GIGYF2: variants seen among roughly 807,000 people sequenced by gnomAD.
The protein encoded by GIGYF2 is GRB10 interacting GYF protein 2.
GIGYF2 carries 25 observed loss-of-function variants against 208.1 expected under a neutral mutation model. The ratio of observed to expected loss-of-function variants is 0.12; its 90% confidence interval spans 0.09 to 0.17. The LOEUF (loss-of-function observed/expected upper bound fraction) is 0.17. Ranked by LOEUF, GIGYF2 falls within the 10% of genes least tolerant of loss-of-function variation. GIGYF2 has a pLI of 1.00. For missense variants in GIGYF2, 1,302 were observed against 1,579.4 expected, an observed-to-expected ratio of 0.82 and a Z score of 2.98; for synonymous variants, 534 against 543.8, an observed-to-expected ratio of 0.98 and a Z score of 0.25.
In GIGYF2 at chr2:232,794,826, C is replaced by A; in HGVS notation, c.1361C>A (p.Pro454His). Residue 454 changes from proline (P) to histidine (H), a missense_variant, in exon 13 of 29, where the codon CCT becomes CAT. Transcript: ENST00000373563. ...TASPLLILPP[P>H]VPNPSPTLRP... The stretch of plus-strand genomic sequence containing the variant: ...TCTCCTCTTCTCATACTTCCACCTC[C>A]TGTTCCCAATCCTAGTCCTACTCTC... The A allele has an allele frequency of 3.1e-6, 5 of 1,613,836 alleles. No individual in the cohort carries two copies. The highest frequency in any genetic ancestry group is 4.2e-6 in the Non-Finnish European group (5 of 1,179,740).
At chr2:232,727,808 A>G (rs1020047925) in intron 2 of GIGYF2, among the ~76,000 whole-genome samples, 1 of 152,134 alleles carries the variant, frequency 6.6e-6, no homozygotes, top group African/African-American at 2.4e-5. Flanking sequence ...CTGTCTTTCT[A>G]TTCTGACTAC....
chr2:232,809,195 G>A (rs1317077999), intron 15 of GIGYF2, among the ~76,000 whole-genome samples: 1 of 152,090 alleles, frequency 6.6e-6, no homozygotes, highest in Non-Finnish European at 1.5e-5. Flanking sequence ...CGCCTGCCTT[G>A]GACTCCCAAA....
chr2:232,810,876 C>T (rs1351542077), intron 16 of GIGYF2: 3 of 249,996 alleles, frequency 1.2e-5, no homozygotes, highest in South Asian at 4.7e-5. Flanking sequence ...GTTAAAGCTA[C>T]TAATTTGAAT....
chr2:232,791,286 A>G lies in GIGYF2; in HGVS notation c.1122A>G (p.Ser374=), dbSNP rs1191527235. Residue 374 remains serine (S), a synonymous_variant, in exon 12 of 29, where the codon TCA becomes TCG. Coordinates refer to ENST00000373563, the MANE Select transcript of GIGYF2 (RefSeq NM_001103146.3). ...VEASEETPQT[S]SSSARPGTPS... is the part of the protein sequence containing the mutation. Reference sequence around the variant, plus strand: ...CTAGTGAGGAAACTCCCCAGACCTCATCATCATCTGCTAGACCAGGTACTC... The same window carrying G: ...CTAGTGAGGAAACTCCCCAGACCTCGTCATCATCTGCTAGACCAGGTACTC... 2 of 1,613,978 alleles carry G rather than the reference A, an allele frequency of 1.2e-6. No homozygotes were observed. Among genetic ancestry groups the G allele is most frequent in the East Asian group, 4.5e-5 (2 of 44,884 alleles).
chr2:232,810,580 G>A (rs1169694961), intron 16 of GIGYF2: 1 of 153,672 alleles, frequency 6.5e-6, no homozygotes, highest in Non-Finnish European at 1.4e-5. Flanking sequence ...GGCTAAATCT[G>A]GCCTGCTCTC....
chr2:232,765,088 A>G (rs73995901), intron 8 of GIGYF2, among the ~76,000 whole-genome samples: 11,510 of 152,218 alleles, frequency 0.076, 494 homozygotes, highest in African/African-American at 0.1. Context: ...ACATACATAC[A>G]TATTCTAATA....
At chr2:232,702,110 A>G (rs925828209) in intron 1 of GIGYF2, among the ~76,000 whole-genome samples, 1 of 152,072 alleles carries the variant, frequency 6.6e-6, no homozygotes, top group Non-Finnish European at 1.5e-5. Flanking sequence ...TTGTACCACT[A>G]CACTCCAGCT....
At chr2:232,699,771 A>G (rs1180928695) in intron 1 of GIGYF2, among the ~76,000 whole-genome samples, 2 of 152,136 alleles carry the variant, frequency 1.3e-5, no homozygotes, top group African/African-American at 4.8e-5. Context: ...TATTAACTCA[A>G]ATTATCCTTA....
At chr2:232,803,184 C>T (rs896490468) in intron 14 of GIGYF2, among the ~76,000 whole-genome samples, 2 of 152,218 alleles carry the variant, frequency 1.3e-5, no homozygotes, top group African/African-American at 4.8e-5. Context: ...AGCCACTGTG[C>T]CCGGCCTGTT....
At chr2:232,697,589 A>C (rs1695653206) in intron 1 of GIGYF2, among the ~76,000 whole-genome samples, 197 bp downstream of exon 1, 1 of 152,312 alleles carries the variant, frequency 6.6e-6, no homozygotes, top group Middle Eastern at 3.4e-3. Flanking sequence ...GGTCAGGTGC[A>C]GGGCCGGAGG....
At chr2:232,798,601 C>T (rs1375355694) in intron 14 of GIGYF2, among the ~76,000 whole-genome samples, 2 of 152,100 alleles carry the variant, frequency 1.3e-5, no homozygotes, top group African/African-American at 4.8e-5. Context: ...CTGTTTTAAC[C>T]ATTCTGAGAG....
intron 8 of GIGYF2, chr2:232,776,831 A>T (rs1699534941): frequency 5.4e-6 from 1 of 184,220 alleles, no homozygotes; most frequent in African/African-American, 2.3e-5. Context: ...CTTACTTAAG[A>T]GTTTTTTTGA....
intron 8 of GIGYF2, chr2:232,761,640 T>A (rs1698743738): frequency 2.4e-6 from 1 of 423,840 alleles, no homozygotes; most frequent in Non-Finnish European, 4.3e-6. Flanking sequence ...GCAAGGCATA[T>A]ATTCTTTATT....
At chr2:232,719,756 A>G (rs994186150) in intron 2 of GIGYF2, among the ~76,000 whole-genome samples, 1 of 152,242 alleles carries the variant, frequency 6.6e-6, no homozygotes, top group Non-Finnish European at 1.5e-5. Context: ...TAGCTTATAT[A>G]ATATTCACTG....
chr2:232,828,015 G>T (rs1027891058), intron 21 of GIGYF2, among the ~76,000 whole-genome samples: 3 of 151,704 alleles, frequency 2.0e-5, no homozygotes, highest in Non-Finnish European at 2.9e-5. Context: ...TTGAGACAGG[G>T]TCTCACTCTG....
intron 25 of GIGYF2, among the ~76,000 whole-genome samples, chr2:232,845,174 A>G (rs762700956): frequency 5.3e-5 from 8 of 152,256 alleles, no homozygotes; most frequent in Admixed American, 1.3e-4. Flanking sequence ...GAAGATAATA[A>G]TAACAACTTT....
At chr2:232,720,271 A>T (rs1696874518) in intron 2 of GIGYF2, among the ~76,000 whole-genome samples, 1 of 152,194 alleles carries the variant, frequency 6.6e-6, no homozygotes. Context: ...AAAGGACATG[A>T]ACTCATCCTT....
intron 28 of GIGYF2, among the ~76,000 whole-genome samples, chr2:232,853,670 T>A (rs1690444145): frequency 6.6e-6 from 1 of 152,210 alleles, no homozygotes; most frequent in Non-Finnish European, 1.5e-5. Flanking sequence ...CCCCAGACTT[T>A]CCTTGTAAGA....
chr2:232,848,148 T>G (rs1382376351), intron 27 of GIGYF2, among the ~76,000 whole-genome samples: 1 of 152,214 alleles, frequency 6.6e-6, no homozygotes, highest in Non-Finnish European at 1.5e-5. Context: ...TACATAACCT[T>G]GTTTTATGTG....
Sources: gnomAD v4.1 joint callset for allele counts (sites outside exome capture counted in the v4.1 genomes callset) on GRCh38, gnomAD v4.1.1 for gene constraint, MANE v1.5 for transcripts, NCBI Gene and HGNC (gene_info 2026-07-23, HGNC 2026-07-21) for gene names.